UTRN: variants seen among roughly 807,000 people sequenced by gnomAD.
The protein encoded by UTRN is dystrophin-related protein 1.
UTRN carries 283 observed loss-of-function variants against 463.9 expected under a neutral mutation model. The observed-to-expected ratio is 0.61, with a 90% confidence interval of 0.55 to 0.67. The LOEUF is 0.67. Among genes scored for constraint, UTRN ranks in the 30% least tolerant of loss-of-function variants. The pLI is 0.00. For missense variants in UTRN, 3,922 were observed against 4,084.3 expected (o/e 0.96, Z 1.08); for synonymous variants, 1,442 against 1,431.5 (o/e 1.01, Z -0.17).
chr6:144,776,400 A>G (rs1199607503), intron 60 of UTRN, among the ~76,000 whole-genome samples: 1 of 152,190 alleles, frequency 6.6e-6, no homozygotes, highest in Non-Finnish European at 1.5e-5. Flanking sequence ...ACTTTAGGTC[A>G]TGGCTGTCTC....
Position 144,539,002 on chromosome 6 carries a change from C to T in UTRN, c.6370-292C>T, listed in dbSNP as rs145250755. 4.7e-3 allele frequency among the ~76,000 whole-genome samples: 718 copies of T among 152,102 alleles called. 6 individuals are homozygous for T. Among genetic ancestry groups the T allele is most frequent in the African/African-American group, 0.015 (626 of 41,480 alleles). On this transcript the variant is annotated intron_variant, in intron 44 of 74. Coordinates refer to ENST00000367545, the MANE Select transcript of UTRN (RefSeq NM_007124.3). ...TGGAGTAGCAAGGAGGAGATAAGAACAGAATGTTAAATTAGCAGTGTAAAA... is the reference window on the plus strand; with the variant it reads ...TGGAGTAGCAAGGAGGAGATAAGAATAGAATGTTAAATTAGCAGTGTAAAA...
At chr6:144,481,007 C>T (rs1266453611) in intron 26 of UTRN, among the ~76,000 whole-genome samples, 1 of 151,944 alleles carries the variant, frequency 6.6e-6, no homozygotes, top group African/African-American at 2.4e-5. Context: ...AATAGGCTAC[C>T]ATGTTAAGAA....
Position 144,763,645 on chromosome 6 carries a change from A to G in UTRN, c.8495+5656A>G, listed in dbSNP as rs184290728. Among the ~76,000 whole-genome samples the G allele has an allele frequency of 3.2e-4, 48 of 152,270 alleles. 1 individual carries two copies. Among genetic ancestry groups the G allele is most frequent in the Admixed American group, 3.0e-3 (46 of 15,292 alleles). On this transcript the variant is annotated intron_variant, in intron 58 of 74. Transcript: ENST00000367545. ...AATACAGAAGAAATAGTCCTTCCCT[A>G]AATATGGTCAGAGAGGAGTATCAGC...
intron 54 of UTRN, among the ~76,000 whole-genome samples, chr6:144,732,624 C>T (rs1449199289): frequency 6.6e-6 from 1 of 151,516 alleles, no homozygotes; most frequent in African/African-American, 2.4e-5. Context: ...ATCTTGGCCT[C>T]CAGCATGACA....
At chr6:144,367,255 G>T (rs112079433) in intron 2 of UTRN, among the ~76,000 whole-genome samples, 1 of 151,762 alleles carries the variant, frequency 6.6e-6, no homozygotes, top group Non-Finnish European at 1.5e-5. Context: ...AAAGTGCTGG[G>T]ATTACAGGTG....
chr6:144,525,561 A>G (rs1263828434), intron 41 of UTRN, among the ~76,000 whole-genome samples: 1 of 151,470 alleles, frequency 6.6e-6, no homozygotes, highest in African/African-American at 2.4e-5. Context: ...ACTGATTTGG[A>G]TCCTCTCTCT....
intron 35 of UTRN, among the ~76,000 whole-genome samples, chr6:144,512,808 T>G (rs1489237121): frequency 2.0e-5 from 3 of 152,120 alleles, no homozygotes; most frequent in Admixed American, 6.5e-5. Flanking sequence ...CCCAAAGTAC[T>G]GGATTACAGG....
At chr6:144,848,026 T>C (rs558375216) in intron 74 of UTRN, among the ~76,000 whole-genome samples, 2 of 152,312 alleles carry the variant, frequency 1.3e-5, no homozygotes, top group Admixed American at 1.3e-4. Flanking sequence ...GGCTGGGATC[T>C]TAACTAAAAG....
At chr6:144,696,821 A>G (rs966967812) in intron 52 of UTRN, among the ~76,000 whole-genome samples, 10 of 152,148 alleles carry the variant, frequency 6.6e-5, no homozygotes, top group Non-Finnish European at 1.5e-4. Flanking sequence ...ATTTTAACCA[A>G]TGCTCCTTCT....
intron 61 of UTRN, among the ~76,000 whole-genome samples, chr6:144,788,018 A>T (rs1050888904): frequency 1.3e-5 from 2 of 152,134 alleles, no homozygotes; most frequent in Non-Finnish European, 2.9e-5. Context: ...GACTACTGTG[A>T]CTAACATTTG....
chr6:144,796,957 C>T (rs1187668964), intron 63 of UTRN, among the ~76,000 whole-genome samples: 1 of 152,160 alleles, frequency 6.6e-6, no homozygotes, highest in Non-Finnish European at 1.5e-5. Context: ...TAGCTTTGCA[C>T]ATAGGAAAAT....
In UTRN at chr6:144,474,750, T is replaced by C. The variant is rs376292397; in HGVS notation, c.3327T>C (p.Leu1109=). 1.9e-6 allele frequency: 3 copies of C among 1,612,136 alleles called. No individual in the cohort carries two copies. The highest frequency in any genetic ancestry group is 2.7e-5 in the African/African-American group (2 of 74,794). The change falls in exon 25 of 75, where the codon CTT becomes CTC. Residue 1109 remains leucine, a synonymous_variant. Coordinates refer to ENST00000367545, the MANE Select transcript of UTRN (RefSeq NM_007124.3). ...ACTACCAAACTCAACTGGAGAAACT[T>C]AGCAAGGAGGTGAGTTTTTCAACTT... is the stretch of plus-strand genomic sequence containing the variant. ...LGDYQTQLEK[L]SKEIATQKSR...
chr6:144,787,214 G>A (rs925411391), intron 61 of UTRN, among the ~76,000 whole-genome samples: 4 of 152,052 alleles, frequency 2.6e-5, no homozygotes, highest in African/African-American at 9.7e-5. Flanking sequence ...AAAATTTCCT[G>A]CTTTTGAAAG....
Position 144,419,918 on chromosome 6 carries a change from C to T in UTRN, c.142-1960C>T, listed in dbSNP as rs116286421. 4.2e-3 allele frequency among the ~76,000 whole-genome samples: 632 copies of T among 152,004 alleles called. 4 individuals are homozygous for T. The highest frequency in any genetic ancestry group is 0.014 in the African/African-American group (570 of 41,482). On this transcript the variant is annotated intron_variant, in intron 3 of 74. Coordinates refer to ENST00000367545, the MANE Select transcript of UTRN (RefSeq NM_007124.3). The stretch of plus-strand genomic sequence containing the variant: ...TGTGCAGAAATATGGAATCTTTATT[C>T]ATCTTTGTAATTCAGGTCTCTTCAG...
Position 144,851,026 on chromosome 6 carries a change from T to C in UTRN, c.*29T>C. The C allele has an allele frequency of 6.2e-7, 1 of 1,613,626 alleles. No individual in the cohort carries two copies. Among genetic ancestry groups the C allele is most frequent in the Non-Finnish European group, 8.5e-7 (1 of 1,179,576 alleles). On this transcript the variant is annotated 3_prime_UTR_variant, in exon 75 of 75. Transcript: ENST00000367545. ...ATTCATCCGGCCAACCAATGTTTCC[T>C]GACGTACAGTGTTGCCCTTTTCAGC...
chr6:144,555,029 T>G (rs944247612), intron 49 of UTRN, 136 bp downstream of exon 49: 5 of 1,096,406 alleles, frequency 4.6e-6, no homozygotes, highest in Non-Finnish European at 6.3e-6. Context: ...GAAATTTATA[T>G]GAAGAATTTG....
At chr6:144,732,435 G>A (rs1475256752) in intron 54 of UTRN, among the ~76,000 whole-genome samples, 1 of 151,430 alleles carries the variant, frequency 6.6e-6, no homozygotes, top group African/African-American at 2.4e-5. Context: ...GCTACTTTTG[G>A]TAGCATTGGT....
At chr6:144,431,310 G>A (rs986968759) in intron 9 of UTRN, among the ~76,000 whole-genome samples, 2 of 152,192 alleles carry the variant, frequency 1.3e-5, no homozygotes, top group South Asian at 2.1e-4. Context: ...GCTCAGCGTG[G>A]CATGATAAGA....
At chr6:144,612,762 A>T (rs1805660572) in intron 51 of UTRN, among the ~76,000 whole-genome samples, 1 of 152,146 alleles carries the variant, frequency 6.6e-6, no homozygotes, top group Admixed American at 6.5e-5. Context: ...GTGGGAATGT[A>T]AATTAGTATA....
Sources: gnomAD v4.1 joint callset for allele counts (sites outside exome capture counted in the v4.1 genomes callset) on GRCh38, gnomAD v4.1.1 for gene constraint, MANE v1.5 for transcripts, NCBI Gene and HGNC (gene_info 2026-07-23, HGNC 2026-07-21) for gene names.